The following ABHD16A variants were observed in gnomAD, a reference collection of about 807,000 sequenced individuals.
ABHD16A encodes phosphatidylserine lipase ABHD16A.
Under a neutral mutation model 89.8 loss-of-function variants are expected in ABHD16A, and 47 were observed. That is an observed-to-expected ratio of 0.52 (90% CI 0.41 to 0.67). The LOEUF (loss-of-function observed/expected upper bound fraction) is 0.67. Ranked by LOEUF, ABHD16A falls within the 30% of genes least tolerant of loss-of-function variation. ABHD16A has a pLI of 0.00. For synonymous variants in ABHD16A, 251 were observed against 280.4 expected (o/e 0.90, Z 1.05); for missense variants, 580 against 734.6 (o/e 0.79, Z 2.43).
chr6:31,697,190 G>C (rs1158052333), intron 4 of ABHD16A, among the ~76,000 whole-genome samples, 157 bp from the exon 5 acceptor site: 1 of 152,166 alleles, frequency 6.6e-6, no homozygotes, highest in African/African-American at 2.4e-5. Flanking sequence ...ATAGATGTGA[G>C]CCAACCCCCT....
Position 31,688,627 on chromosome 6 carries a change from A to G in ABHD16A, c.1250+96T>C. Reference sequence around the variant, plus strand: ...TCAGGATGTGAGCCAGTGGCCTTTTACCAACTTGCACTTTAGTACTAGTTT... The same window carrying G: ...TCAGGATGTGAGCCAGTGGCCTTTTGCCAACTTGCACTTTAGTACTAGTTT... On this transcript the variant is annotated intron_variant, in intron 14 of 19. Coordinates refer to ENST00000395952, the MANE Select transcript of ABHD16A (RefSeq NM_021160.3). This position sits in a 1 kb window ranked among gnomAD's most constrained non-coding sequence, Gnocchi z 4.9. The G allele has an allele frequency of 7.0e-7, 1 of 1,418,832 alleles. No homozygotes were observed. The highest frequency in any genetic ancestry group is 9.8e-7 in the Non-Finnish European group (1 of 1,019,004). 87.9% of individuals were successfully genotyped at this position (1,418,832 alleles called of 1,614,324 possible).
chr6:31,702,225 T>A, intron 1 of ABHD16A, 95 bp from the exon 2 acceptor site: 1 of 1,195,244 alleles, frequency 8.4e-7, no homozygotes, highest in Non-Finnish European at 1.2e-6. Flanking sequence ...CTGGTTCTAG[T>A]CTCGTTGACT....
intron 8 of ABHD16A, 35 bp downstream of exon 8, chr6:31,691,769 G>T: frequency 1.3e-6 from 2 of 1,581,796 alleles, no homozygotes; most frequent in Non-Finnish European, 1.7e-6. Flanking sequence ...TGAGAGGGGA[G>T]GGCTTTAGGG....
In ABHD16A at chr6:31,687,603, G is replaced by T; in HGVS notation, c.1546+39C>A. On this transcript the variant is annotated intron_variant, in intron 18 of 19. Transcript: ENST00000395952. This position sits in a 1 kb window ranked among gnomAD's most constrained non-coding sequence, Gnocchi z 6.3. Reference sequence around the variant, plus strand: ...ATCTGGGTATTCATCCCCTTCCTAGGCCCTTCCCACCCTCTCTCCTGCCCC... The same window carrying T: ...ATCTGGGTATTCATCCCCTTCCTAGTCCCTTCCCACCCTCTCTCCTGCCCC... 6.2e-7 allele frequency: 1 copy of T among 1,612,870 alleles called. No individual in the cohort carries two copies. Among genetic ancestry groups the T allele is most frequent in the Non-Finnish European group, 8.5e-7 (1 of 1,179,950 alleles).
In ABHD16A at chr6:31,690,688, G is replaced by C; in HGVS notation, c.844-86C>G. The stretch of plus-strand genomic sequence containing the variant: ...GGGCAGGGAGGGCAGCCCATGAAGA[G>C]CTTTGCAGGGAAGAGGAAAGGGCAG... On this transcript the variant is annotated intron_variant, in intron 9 of 19. Coordinates refer to ENST00000395952, the MANE Select transcript of ABHD16A (RefSeq NM_021160.3). The surrounding 1 kb of genome is among the most constrained non-coding windows in gnomAD (Gnocchi z 4.1). 1 of 1,219,750 alleles carries C rather than the reference G, an allele frequency of 8.2e-7. No individual in the cohort carries two copies. The highest frequency in any genetic ancestry group is 1.7e-5 in the Admixed American group (1 of 58,768). The allele number at this position is 1,219,750 out of a possible 1,614,324, so 75.6% of individuals were successfully genotyped here.
At chr6:31,691,539 TCA>T (rs1562100290) in intron 9 of ABHD16A, 38 bp downstream of exon 9, 6 of 1,601,050 alleles carry the variant, frequency 3.7e-6, no homozygotes, top group Non-Finnish European at 4.3e-6. Flanking sequence ...ACTGCCTTCC[TCA>T]CACTCACCCC....
intron 1 of ABHD16A, 109 bp downstream of exon 1, chr6:31,703,041 T>G (rs1485557089): frequency 7.3e-7 from 1 of 1,368,422 alleles, no homozygotes; most frequent in Non-Finnish European, 9.5e-7. Context: ...GATAACTGGC[T>G]TGACAAGCAG....
Position 31,687,552 on chromosome 6 carries a change from G to C in ABHD16A, c.1547-8C>G. On this transcript the variant is annotated splice_region_variant and splice_polypyrimidine_tract_variant and intron_variant, in intron 18 of 19. Transcript: ENST00000395952. This position sits in a 1 kb window ranked among gnomAD's most constrained non-coding sequence, Gnocchi z 6.3. ...CTGCACTCATGTCCTCCCCTGCAGA[G>C]AGGAGGCGCTCAAAATAGGCCACAC... 6.2e-7 allele frequency: 1 copy of C among 1,613,022 alleles called. No homozygotes were observed. The highest frequency in any genetic ancestry group is 8.5e-7 in the Non-Finnish European group (1 of 1,179,994).
At position 31,702,135 on chromosome 6, in the gene ABHD16A, C is replaced by T; in HGVS notation, c.133-5G>A. ...ACGGGGCTGATAGTACGTATCCTGC[C>T]AAAACAGATGGCCTCCTTAAGGACC... On this transcript the variant is annotated splice_region_variant and splice_polypyrimidine_tract_variant and intron_variant, in intron 1 of 19. Transcript: ENST00000395952. 1 of 1,613,076 alleles carries T rather than the reference C, an allele frequency of 6.2e-7. No individual in the cohort carries two copies. The highest frequency in any genetic ancestry group is 8.5e-7 in the Non-Finnish European group (1 of 1,180,010).
In ABHD16A at chr6:31,687,388, C is replaced by T; in HGVS notation, c.1594-93G>A. 6.3e-7 allele frequency: 1 copy of T among 1,599,464 alleles called. No individual in the cohort carries two copies. Among genetic ancestry groups the T allele is most frequent in the Non-Finnish European group, 8.6e-7 (1 of 1,168,012 alleles). On this transcript the variant is annotated intron_variant, in intron 19 of 19. Transcript: ENST00000395952. This position sits in a 1 kb window ranked among gnomAD's most constrained non-coding sequence, Gnocchi z 6.3. ...CCCCACCCTCCACTTCCGCATCCACCACCCACTCTACAAAAGCTGCCACTT... is the reference window on the plus strand; with the variant it reads ...CCCCACCCTCCACTTCCGCATCCACTACCCACTCTACAAAAGCTGCCACTT...
intron 1 of ABHD16A, 200 bp downstream of exon 1, chr6:31,702,950 G>T: frequency 5.4e-6 from 7 of 1,295,526 alleles, no homozygotes; most frequent in Middle Eastern, 3.0e-4. Context: ...TGAGAAAGCG[G>T]TAAAGAGCGA....
chr6:31,689,203 A>G (rs892640161), intron 12 of ABHD16A, 84 bp from the exon 13 acceptor site: 5 of 1,235,614 alleles, frequency 4.0e-6, no homozygotes, highest in African/African-American at 1.5e-5. Context: ...CACTGACCCT[A>G]TAGGCCAACC....
intron 1 of ABHD16A, chr6:31,702,469 G>A (rs1805110051): frequency 2.3e-6 from 2 of 879,452 alleles, no homozygotes; most frequent in South Asian, 2.2e-5. Context: ...AAGACACCTA[G>A]ACAATCTAAG....
At chr6:31,692,087 T>A in intron 7 of ABHD16A, 169 bp from the exon 8 acceptor site, 1 of 572,798 alleles carries the variant, frequency 1.7e-6, no homozygotes, top group Non-Finnish European at 3.1e-6. Flanking sequence ...AGGCTAGTGT[T>A]TTGCAAACTT....
In ABHD16A at chr6:31,693,236, C is replaced by T. The variant is rs77340402; in HGVS notation, c.504-87G>A. The T allele has an allele frequency of 3.3e-3, 5,255 of 1,586,498 alleles. 139 individuals carry two copies. In the African/African-American group the frequency reaches 0.06, roughly 18 times the overall value. ...TCTGGAGAACAGTGGGGTCTAGGAA[C>T]GACATAATGGCATTGGAAGGCAGGC... On this transcript the variant is annotated intron_variant, in intron 6 of 19. Coordinates refer to ENST00000395952, the MANE Select transcript of ABHD16A (RefSeq NM_021160.3). This position sits in a 1 kb window ranked among gnomAD's most constrained non-coding sequence, Gnocchi z 5.0.
In ABHD16A at chr6:31,689,074, A is replaced by T; in HGVS notation, c.1127T>A (p.Leu376Gln). ...CACCAGGTCATCAAAGGAGGCATCCAGGATCATGGCACTAACATCTGGGTA... is the reference window on the plus strand; with the variant it reads ...CACCAGGTCATCAAAGGAGGCATCCTGGATCATGGCACTAACATCTGGGTA... The part of the protein sequence containing the change: ...MSYPDVSAMI[L>Q]DASFDDLVPL... Residue 376 changes from leucine to glutamine, a missense_variant, in exon 13 of 20, where the codon CTG becomes CAG. Around this residue, in one of 2 missense-constraint regions of ABHD16A, gnomAD observed 415 missense variants for 568.8 expected, o/e 0.73. Transcript: ENST00000395952. The T allele has an allele frequency of 6.2e-7, 1 of 1,614,096 alleles. No individual in the cohort carries two copies. Among genetic ancestry groups the T allele is most frequent in the Non-Finnish European group, 8.5e-7 (1 of 1,179,974 alleles).
chr6:31,690,340 A>G lies in ABHD16A; in HGVS notation c.907+199T>C. ...TGGTGGGGGAATGGAACAGAATGAA[A>G]AGCATAATAGCTAGGGACACAGGCC... On this transcript the variant is annotated intron_variant, in intron 10 of 19. Transcript: ENST00000395952. This position sits in a 1 kb window ranked among gnomAD's most constrained non-coding sequence, Gnocchi z 4.1. 1.5e-6 allele frequency: 1 copy of G among 688,710 alleles called. No homozygotes were observed. Among genetic ancestry groups the G allele is most frequent in the Non-Finnish European group, 2.5e-6 (1 of 403,112 alleles). 42.7% of individuals were successfully genotyped at this position (688,710 alleles called of 1,614,324 possible).
In ABHD16A at chr6:31,692,200, TACATAATAA is replaced by T. The variant is rs1207023854; in HGVS notation, c.627-291_627-283del. On this transcript the variant is annotated intron_variant, in intron 7 of 19. Transcript: ENST00000395952. ...GAGAGTTTTATGATGTAACTGTCTA[TACATAATAA>T]GTAAATGCAAAGTTATCATCAGATT... The T allele has an allele frequency of 1.6e-5, 6 of 369,332 alleles. No homozygotes were observed. The East Asian group carries it at 2.4e-4, about 15-fold the overall frequency. The allele number at this position is 369,332 out of a possible 1,614,324, so 22.9% of individuals were successfully genotyped here. A position where few individuals can be genotyped will look rare whatever the true frequency, so the allele number is the denominator to read the frequency against.
rs766190294 is a variant in ABHD16A at position 31,693,509 on chromosome 6, G to A, written c.430-77C>T. 1.4e-4 allele frequency: 192 copies of A among 1,377,890 alleles called. No individual in the cohort carries two copies. Among genetic ancestry groups the A allele is most frequent in the South Asian group, 2.3e-4 (19 of 84,060 alleles). 85.4% of individuals were successfully genotyped at this position (1,377,890 alleles called of 1,614,324 possible). A position where few individuals can be genotyped will look rare whatever the true frequency, so the allele number is the denominator to read the frequency against. On this transcript the variant is annotated intron_variant, in intron 5 of 19. Transcript: ENST00000395952. This position sits in a 1 kb window ranked among gnomAD's most constrained non-coding sequence, Gnocchi z 5.0. ...CCTACCCACCCTCAACAACACCTTCGTTATCCAGGGGTCTGATCCCCACAC... is the reference window on the plus strand; with the variant it reads ...CCTACCCACCCTCAACAACACCTTCATTATCCAGGGGTCTGATCCCCACAC...
Sources: gnomAD v4.1 joint callset for allele counts (sites outside exome capture counted in the v4.1 genomes callset) on GRCh38, gnomAD v4.1.1 for gene constraint, gnomAD v4.1.1 regional missense constraint, Gnocchi (gnomAD v3.1) non-coding constraint, MANE v1.5 for transcripts, NCBI Gene and HGNC (gene_info 2026-07-23, HGNC 2026-07-21) for gene names.